The following FGF14 variants were observed in gnomAD, a reference collection of about 807,000 sequenced individuals.
FGF14 encodes the protein fibroblast growth factor homologous factor 4.
FGF14 carries 5 observed loss-of-function variants against 25.5 expected under a neutral mutation model. That is an observed-to-expected ratio of 0.20 (90% CI 0.10 to 0.41). FGF14 has a LOEUF of 0.41. Among genes scored for constraint, FGF14 ranks in the 10% least tolerant of loss-of-function variants. FGF14 has a pLI of 1.00. For missense variants in FGF14, 222 were observed against 320.1 expected (o/e 0.69, Z 2.34); for synonymous variants, 138 against 118.3 (o/e 1.17, Z -1.08).
intron 1 of FGF14, among the ~76,000 whole-genome samples, chr13:102,076,066 A>G (rs1377251494): frequency 6.6e-6 from 1 of 152,148 alleles, no homozygotes; most frequent in African/African-American, 2.4e-5. Context: ...TAGTAAGATA[A>G]GGTTAATTCG....
At position 102,331,480 on chromosome 13, in the gene FGF14, T is replaced by A. The variant is rs538322565; in HGVS notation, c.208+69991A>T. The stretch of plus-strand genomic sequence containing the variant: ...TGTAGTTCACAATGCTCCTAATGTG[T>A]GGGTGCACATACCACCCAGAAAAGC... On this transcript the variant is annotated intron_variant, in intron 1 of 4. Coordinates refer to the FGF14 transcript ENST00000376131. 3.9e-5 allele frequency among the ~76,000 whole-genome samples: 6 copies of A among 152,312 alleles called. No homozygotes were observed. The South Asian group carries it at 1.2e-3, about 32-fold the overall frequency.
At chr13:102,171,953 A>C (rs943717997) in intron 1 of FGF14, among the ~76,000 whole-genome samples, 2 of 149,890 alleles carry the variant, frequency 1.3e-5, no homozygotes, top group African/African-American at 2.5e-5. Context: ...TTTTGCAAAA[A>C]AAGATATGCA....
chr13:102,246,830 C>T (rs1594567960), intron 1 of FGF14, among the ~76,000 whole-genome samples: 1 of 151,898 alleles, frequency 6.6e-6, no homozygotes, highest in East Asian at 1.9e-4. Context: ...TCACGTAACC[C>T]TTCAAACTAT....
intron 1 of FGF14, among the ~76,000 whole-genome samples, chr13:101,878,178 T>A (rs1192177469): frequency 6.6e-6 from 1 of 152,172 alleles, no homozygotes; most frequent in African/African-American, 2.4e-5. Context: ...CTATAAATAT[T>A]CCATAATTTC....
chr13:101,730,073 A>G (rs2035708094), intron 3 of FGF14, among the ~76,000 whole-genome samples: 1 of 152,192 alleles, frequency 6.6e-6, no homozygotes, highest in African/African-American at 2.4e-5. Context: ...GAAACATAAT[A>G]AAGGGTCTTG....
intron 1 of FGF14, chr13:102,263,067 A>T: frequency 1.5e-6 from 1 of 653,944 alleles, no homozygotes. Context: ...GTTCTTTTCC[A>T]ATGTCTCCTT....
rs147962436 is a variant in FGF14, at chr13:101,991,147, T to C, written c.209-115851A>G. On this transcript the variant is annotated intron_variant, in intron 1 of 4. Coordinates refer to the FGF14 transcript ENST00000376131. Reference sequence around the variant, plus strand: ...AACCAATATATGCTTTAAAATATGATCTTATTGAGATATAATTTGTATACT... The same window carrying C: ...AACCAATATATGCTTTAAAATATGACCTTATTGAGATATAATTTGTATACT... Among the ~76,000 whole-genome samples, 1,077 of 152,258 alleles carry C rather than the reference T, an allele frequency of 7.1e-3. 12 individuals are homozygous for C. Among genetic ancestry groups the C allele is most frequent in the African/African-American group, 0.024 (1,012 of 41,538 alleles).
intron 1 of FGF14, among the ~76,000 whole-genome samples, chr13:102,161,644 A>AT (rs1566765067): frequency 0.038 from 647 of 17,028 alleles, 78 homozygotes; most frequent in African/African-American, 0.13. Context: ...GAAGAAGAAG[A>AT]AGAAGAAGAA....
chr13:102,359,617 G>C (rs2057511670), intron 1 of FGF14, among the ~76,000 whole-genome samples: 1 of 152,140 alleles, frequency 6.6e-6, no homozygotes, highest in Non-Finnish European at 1.5e-5. Flanking sequence ...CAGTACATGT[G>C]AAGATGTACA....
chr13:101,899,312 G>A, intron 1 of FGF14, among the ~76,000 whole-genome samples: 1 of 150,592 alleles, frequency 6.6e-6, no homozygotes, highest in Non-Finnish European at 1.5e-5. Context: ...GATACCAAAG[G>A]GAACAATTAA....
chr13:101,766,488 G>C (rs2038402521), intron 3 of FGF14, among the ~76,000 whole-genome samples: 1 of 152,154 alleles, frequency 6.6e-6, no homozygotes, highest in African/African-American at 2.4e-5. Context: ...CATTATGACA[G>C]AAGGGAGCAA....
intron 1 of FGF14, among the ~76,000 whole-genome samples, chr13:102,090,740 G>A (rs1844433088): frequency 6.6e-6 from 1 of 152,156 alleles, no homozygotes; most frequent in African/African-American, 2.4e-5. Context: ...ATTAATGCCT[G>A]TCCATTCCAA....
intron 1 of FGF14, among the ~76,000 whole-genome samples, chr13:102,147,637 T>C (rs1321481575): frequency 6.6e-6 from 1 of 152,206 alleles, no homozygotes; most frequent in African/African-American, 2.4e-5. Flanking sequence ...TTTCTGGTAC[T>C]ACCTATTTAG....
At chr13:102,046,987 C>T (rs2042012568) in intron 1 of FGF14, among the ~76,000 whole-genome samples, 1 of 152,110 alleles carries the variant, frequency 6.6e-6, no homozygotes, top group African/African-American at 2.4e-5. Flanking sequence ...GTTAGTGTTA[C>T]ATTTTAGCAC....
intron 1 of FGF14, among the ~76,000 whole-genome samples, chr13:102,207,868 T>C (rs781723672): frequency 7.1e-5 from 10 of 140,800 alleles, no homozygotes; most frequent in Non-Finnish European, 1.3e-4. Context: ...TACCCAATGA[T>C]AGAAGAAGCC....
chr13:101,897,786 C>G (rs561793493), intron 1 of FGF14, among the ~76,000 whole-genome samples: 1 of 152,150 alleles, frequency 6.6e-6, no homozygotes, highest in African/African-American at 2.4e-5. Flanking sequence ...ATTTAAAAAT[C>G]TGAAATAAAA....
chr13:101,815,565 G>A (rs930007129), intron 3 of FGF14, among the ~76,000 whole-genome samples: 2 of 152,102 alleles, frequency 1.3e-5, no homozygotes, highest in African/African-American at 4.8e-5. Context: ...TTGGCAAAAG[G>A]CAATATAAAT....
chr13:102,156,807 G>A (rs1480226704), intron 1 of FGF14, among the ~76,000 whole-genome samples: 1 of 152,122 alleles, frequency 6.6e-6, no homozygotes, highest in Non-Finnish European at 1.5e-5. Flanking sequence ...AGCAACTTCA[G>A]CAAAGTCTCA....
chr13:101,730,474 G>T (rs1363222828), intron 3 of FGF14, among the ~76,000 whole-genome samples: 1 of 152,110 alleles, frequency 6.6e-6, no homozygotes, highest in Non-Finnish European at 1.5e-5. Flanking sequence ...ATTCAAGAAA[G>T]AAAATATTTT....
Sources: allele counts gnomAD v4.1 joint callset (sites outside exome capture counted in the v4.1 genomes callset), GRCh38; gene constraint gnomAD v4.1.1; transcripts MANE v1.5; gene names NCBI Gene and HGNC (gene_info 2026-07-23, HGNC 2026-07-21).